Variants in SEMA6A observed in about 807,000 individuals in gnomAD.
SEMA6A encodes semaphorin-6A.
SEMA6A carries 25 observed loss-of-function variants against 96.8 expected under a neutral mutation model. The ratio of observed to expected loss-of-function variants is 0.26; its 90% CI spans 0.19 to 0.36. The LOEUF (loss-of-function observed/expected upper bound fraction) is 0.36, where lower values mean the gene tolerates loss of function less well. SEMA6A is among the 10% of genes least tolerant of loss of function. SEMA6A has a pLI of 1.00. For missense variants in SEMA6A, 1,363 were observed against 1,323.1 expected, an observed-to-expected ratio of 1.03 and a Z score of -0.47; for synonymous variants, 612 against 518.0, an observed-to-expected ratio of 1.18 and a Z score of -2.46.
intron 11 of SEMA6A, 28 bp downstream of exon 11, chr5:116,482,416 A>T (rs1561486968): frequency 6.2e-7 from 1 of 1,605,742 alleles, no homozygotes; most frequent in Admixed American, 1.7e-5. Flanking sequence ...CTAAAGTTTA[A>T]AATAGCCATA....
intron 11 of SEMA6A, among the ~76,000 whole-genome samples, chr5:116,481,041 C>T (rs933897877): frequency 5.3e-5 from 8 of 152,036 alleles, no homozygotes; most frequent in African/African-American, 1.9e-4. Flanking sequence ...GAGATTGGAC[C>T]CTCACGACAC....
At chr5:116,518,390 C>T (rs894896415) in intron 1 of SEMA6A, among the ~76,000 whole-genome samples, 9 of 152,232 alleles carry the variant, frequency 5.9e-5, no homozygotes, top group African/African-American at 2.2e-4. Context: ...GAAGACAGCA[C>T]ATGAATATCA....
At chr5:116,480,069 G>GA in intron 12 of SEMA6A, 53 bp downstream of exon 12, 1 of 1,593,304 alleles carries the variant, frequency 6.3e-7, no homozygotes, top group South Asian at 1.1e-5. Flanking sequence ...TTGGTTCTCC[G>GA]ACATGAGATG....
At chr5:116,535,013 A>G (rs187964088) in intron 1 of SEMA6A, among the ~76,000 whole-genome samples, 19 of 152,372 alleles carry the variant, frequency 1.2e-4, no homozygotes, top group Non-Finnish European at 2.1e-4. Flanking sequence ...CAGGCCTCTC[A>G]GCCTGGGGAA....
chr5:116,528,141 T>C (rs1378036208), intron 1 of SEMA6A, among the ~76,000 whole-genome samples: 1 of 152,212 alleles, frequency 6.6e-6, no homozygotes, highest in East Asian at 1.9e-4. Flanking sequence ...TTCTTTTGCT[T>C]CCTTTTCCTT....
intron 10 of SEMA6A, among the ~76,000 whole-genome samples, chr5:116,484,763 G>T (rs1756966390): frequency 6.6e-6 from 1 of 152,224 alleles, no homozygotes; most frequent in Admixed American, 6.5e-5. Flanking sequence ...TACCCGCAGG[G>T]TTTTAGTGGG....
chr5:116,510,094 A>G (rs911711642), intron 1 of SEMA6A, among the ~76,000 whole-genome samples: 1 of 152,140 alleles, frequency 6.6e-6, no homozygotes, highest in African/African-American at 2.4e-5. Flanking sequence ...TAGGCACATC[A>G]TGAAAAGTGG....
In SEMA6A at chr5:116,467,817, T is replaced by C. The variant is rs1755860338; in HGVS notation, c.1730-70A>G. 3 of 1,523,698 alleles carry C rather than the reference T, an allele frequency of 2.0e-6. No homozygotes were observed. In the East Asian group the frequency reaches 7.1e-5, roughly 36 times the overall value. 94.4% of individuals were successfully genotyped at this position (1,523,698 alleles called of 1,614,324 possible). A position where few individuals can be genotyped will look rare whatever the true frequency, so the allele number is the denominator to read the frequency against. Reference sequence around the variant, plus strand: ...CCCACATTCCCTTTGCGCAGAGGCCTGGAGGTGGGACACCCAAGCTGGCTG... The same window carrying C: ...CCCACATTCCCTTTGCGCAGAGGCCCGGAGGTGGGACACCCAAGCTGGCTG... On this transcript the variant is annotated intron_variant, in intron 17 of 18. Transcript: ENST00000343348.
At chr5:116,493,015 C>T (rs1034198020) in intron 6 of SEMA6A, among the ~76,000 whole-genome samples, 7 of 152,146 alleles carry the variant, frequency 4.6e-5, no homozygotes, top group Admixed American at 3.9e-4. Flanking sequence ...CCATTCACAG[C>T]GCTAGGCATA....
intron 8 of SEMA6A, among the ~76,000 whole-genome samples, chr5:116,488,494 G>A (rs181165100): frequency 7.6e-4 from 115 of 152,250 alleles, no homozygotes; most frequent in Non-Finnish European, 1.3e-3. Context: ...AGAAGATTTT[G>A]TATACATTGC....
chr5:116,502,478 T>C, intron 2 of SEMA6A, 151 bp from the exon 3 acceptor site: 2 of 621,688 alleles, frequency 3.2e-6, no homozygotes, highest in Non-Finnish European at 5.8e-6. Flanking sequence ...TCTGTTATTT[T>C]AGGAAATATG....
At chr5:116,509,098 C>T (rs1439981402) in intron 1 of SEMA6A, among the ~76,000 whole-genome samples, 1 of 152,218 alleles carries the variant, frequency 6.6e-6, no homozygotes, top group Non-Finnish European at 1.5e-5. Context: ...CTTGGTGCAT[C>T]AAGTTGCATG....
chr5:116,478,560 C>T lies in SEMA6A; in HGVS notation c.1409G>A (p.Ser470Asn). 6.2e-7 allele frequency: 1 copy of T among 1,611,920 alleles called. No individual in the cohort carries two copies. Among genetic ancestry groups the T allele is most frequent in the Non-Finnish European group, 8.5e-7 (1 of 1,179,112 alleles). ...CACTTACTTTTCAGAGTTGTAAACA[C>T]TCATCTCCTCCAGGAAAAGGCTGTC... ...LNDSLFLEEM[S>N]VYNSEKCSYD... is the part of the protein sequence containing the mutation. The change falls in exon 13 of 19, where the codon AGT becomes AAT. Residue 470 changes from serine (S) to asparagine (N), a missense_variant. Physicochemically the swap from Ser to Asn is conservative, Grantham distance 46. Coordinates refer to ENST00000343348, the MANE Select transcript of SEMA6A (RefSeq NM_020796.5).
chr5:116,496,855 A>G (rs531092137), intron 4 of SEMA6A, among the ~76,000 whole-genome samples: 4 of 152,352 alleles, frequency 2.6e-5, no homozygotes, highest in Admixed American at 6.5e-5. Flanking sequence ...TAACTAAAAT[A>G]TCCCCATGTG....
intron 1 of SEMA6A, among the ~76,000 whole-genome samples, chr5:116,542,852 C>T (rs1224251011): frequency 1.3e-5 from 2 of 152,146 alleles, no homozygotes; most frequent in Admixed American, 6.6e-5. Flanking sequence ...GCTTCACTTC[C>T]CCGGCCTGGC....
intron 10 of SEMA6A, among the ~76,000 whole-genome samples, chr5:116,485,755 C>G (rs75916710): frequency 0.036 from 5,442 of 152,264 alleles, 152 homozygotes; most frequent in African/African-American, 0.07. Context: ...GAGGAACATA[C>G]TCAATACAGA....
intron 16 of SEMA6A, among the ~76,000 whole-genome samples, chr5:116,475,162 C>T (rs1756385778): frequency 6.6e-6 from 1 of 152,104 alleles, no homozygotes; most frequent in African/African-American, 2.4e-5. Context: ...AATTAAAAAG[C>T]TAGAGTACAA....
rs559292185 is a variant in SEMA6A at position 116,564,218 on chromosome 5, C to T, written c.-39+9967G>A. ...AGGCTGGATCTGGAGAAATTTAAAACGCTGCCTTGAAGCTCATTCTGAAAT... is the reference window on the plus strand; with the variant it reads ...AGGCTGGATCTGGAGAAATTTAAAATGCTGCCTTGAAGCTCATTCTGAAAT... On this transcript the variant is annotated intron_variant, in intron 1 of 18. Coordinates refer to ENST00000343348, the MANE Select transcript of SEMA6A (RefSeq NM_020796.5). Among the ~76,000 whole-genome samples, 7 of 152,218 alleles carry T rather than the reference C, an allele frequency of 4.6e-5. No homozygotes were observed. The East Asian group carries it at 7.7e-4, about 17-fold the overall frequency.
chr5:116,570,634 A>G (rs1761175140), intron 1 of SEMA6A, among the ~76,000 whole-genome samples: 1 of 152,248 alleles, frequency 6.6e-6, no homozygotes. Context: ...AACAAATAAG[A>G]TGGAGAGACT....
Sources: gnomAD v4.1 joint callset for allele counts (sites outside exome capture counted in the v4.1 genomes callset) on GRCh38, gnomAD v4.1.1 for gene constraint, MANE v1.5 for transcripts, NCBI Gene and HGNC (gene_info 2026-07-23, HGNC 2026-07-21) for gene names.